ZNF512B: variants seen among roughly 807,000 people sequenced by gnomAD.
ZNF512B encodes the protein zinc finger protein 512B.
ZNF512B carries 22 observed loss-of-function variants against 87.8 expected under a neutral mutation model. That is an observed-to-expected ratio of 0.25 (90% confidence interval 0.18 to 0.36). The LOEUF (loss-of-function observed/expected upper bound fraction) is 0.36, where lower values mean the gene tolerates loss of function less well. Among genes scored for constraint, ZNF512B ranks in the 10% least tolerant of loss-of-function variants. The pLI, the probability that ZNF512B is intolerant of heterozygous loss-of-function variation, is 1.00. For missense variants in ZNF512B, 1,060 were observed against 1,231.6 expected (o/e 0.86, Z 2.09); for synonymous variants, 524 against 490.9 (o/e 1.07, Z -0.89).
chr20:63,962,118 G>T, intron 14 of ZNF512B, 114 bp from the exon 15 acceptor site: 1 of 1,343,226 alleles, frequency 7.4e-7, no homozygotes, highest in Non-Finnish European at 1.0e-6. Flanking sequence ...GAGGGGGTGT[G>T]AGTCCTGGGG....
In ZNF512B at chr20:63,957,559, C is replaced by T. The variant is rs1417626421; in HGVS notation, c.*2329G>A. 3.9e-5 allele frequency: 6 copies of T among 152,690 alleles called. No individual in the cohort carries two copies. The highest frequency in any genetic ancestry group is 1.4e-4 in the African/African-American group (6 of 41,448). The allele number at this position is 152,690 out of a possible 1,614,324, so 9.5% of individuals were successfully genotyped here. A position where few individuals can be genotyped will look rare whatever the true frequency, so the allele number is the denominator to read the frequency against. ...CCACTTCTGGCAGTAGCCCCCACGC[C>T]TACCTTAAAGACAAAGGGGGTTAAA... On this transcript the variant is annotated 3_prime_UTR_variant, in exon 17 of 17. Coordinates refer to ENST00000369888, the MANE Select transcript of ZNF512B (RefSeq NM_020713.3).
rs762116263 is a variant in ZNF512B, at chr20:63,963,855, G to C, written c.1539C>G (p.Pro513=). The C allele has an allele frequency of 6.2e-7, 1 of 1,612,692 alleles. No homozygotes were observed. Among genetic ancestry groups the C allele is most frequent in the Non-Finnish European group, 8.5e-7 (1 of 1,180,016 alleles). ...AIHERGEAVC[P]TCNVVTRKTL... is the part of the protein sequence containing the mutation. ...TCTTCCGGGTGACCACGTTGCAGGT[G>C]GGGCAGACGGCTTCCCCGCGCTCAT... is the stretch of plus-strand genomic sequence containing the variant. The change falls in exon 9 of 17, where the codon CCC becomes CCG. Residue 513 remains proline (P), a synonymous_variant. Transcript: ENST00000369888.
intron 11 of ZNF512B, 36 bp downstream of exon 11, chr20:63,963,306 C>CCCCCCCACCCCACACTGCCGCGG: frequency 6.5e-7 from 1 of 1,535,474 alleles, no homozygotes. Flanking sequence ...GCCAGCAGGG[C>CCCCCCCACCCCACACTGCCGCGG]CCCCCCACCC....
rs762842894 is a variant in ZNF512B at position 63,959,879 on chromosome 20, G to A, written c.*9C>T. 13 of 1,562,358 alleles carry A rather than the reference G, an allele frequency of 8.3e-6. No homozygotes were observed. The Admixed American group carries it at 1.3e-4, about 15-fold the overall frequency. On this transcript the variant is annotated 3_prime_UTR_variant, in exon 17 of 17. Transcript: ENST00000369888. ...CGGCTGCATGGGGGCCAGGCCCCAC[G>A]CACCATGCTCACTTTTCAGGCGCCT...
chr20:63,958,049 C>G lies in ZNF512B; in HGVS notation c.*1839G>C, dbSNP rs1277251717. On this transcript the variant is annotated 3_prime_UTR_variant, in exon 17 of 17. Transcript: ENST00000369888. ...GGGGGAGTCCGGGTCTCCACACCCA[C>G]TCCCTGGCACATCTGGCAAGGGCTG... The G allele has an allele frequency of 6.6e-6, 1 of 152,264 alleles. No homozygotes were observed. The highest frequency in any genetic ancestry group is 1.5e-5 in the Non-Finnish European group (1 of 68,078). 9.4% of individuals were successfully genotyped at this position (152,264 alleles called of 1,614,324 possible). A position where few individuals can be genotyped will look rare whatever the true frequency, so the allele number is the denominator to read the frequency against.
Position 63,964,739 on chromosome 20 carries a change from G to A in ZNF512B, c.1035-23C>T, listed in dbSNP as rs117783598. Reference sequence around the variant, plus strand: ...GCCCTGCAGGGAGCAGGTGAGGTGAGGGCCAGGAGGGCCTAACTGTGGGCC... The same window carrying A: ...GCCCTGCAGGGAGCAGGTGAGGTGAAGGCCAGGAGGGCCTAACTGTGGGCC... On this transcript the variant is annotated intron_variant, in intron 5 of 16. Coordinates refer to ENST00000369888, the MANE Select transcript of ZNF512B (RefSeq NM_020713.3). 1.0e-5 allele frequency: 16 copies of A among 1,604,726 alleles called. No individual in the cohort carries two copies. In the East Asian group the frequency reaches 3.4e-4, roughly 34 times the overall value.
At chr20:63,968,630 C>G (rs1489098944) in intron 1 of ZNF512B, among the ~76,000 whole-genome samples, 2 of 152,210 alleles carry the variant, frequency 1.3e-5, no homozygotes, top group African/African-American at 4.8e-5. Context: ...GTCCCTGTGC[C>G]GGCTGAACTA....
At chr20:63,968,107 T>G (rs1336448302) in intron 1 of ZNF512B, among the ~76,000 whole-genome samples, 155 bp from the exon 2 acceptor site, 3 of 152,132 alleles carry the variant, frequency 2.0e-5, no homozygotes, top group Non-Finnish European at 4.4e-5. Flanking sequence ...AAGCAAGTGA[T>G]GGGGGCTTCT....
rs1367385478 is a variant in ZNF512B at position 63,959,979 on chromosome 20, C to T, written c.2588G>A (p.Arg863His). Residue 863 changes from arginine to histidine, a missense_variant, in exon 17 of 17, where the codon CGC (arginine) becomes CAC (histidine). This residue lies in a region of ZNF512B where 253 missense variants were observed against 259.2 expected (regional missense o/e 0.98). Transcript: ENST00000369888. Reference protein sequence around the residue: ...PEEPVAKLPPRRDDWPPGCRD... With the variant: ...PEEPVAKLPPHRDDWPPGCRD... The stretch of plus-strand genomic sequence containing the variant: ...GCATCCTGGAGGCCAGTCGTCCCGG[C>T]GCGGGGGCAGCTTGGCCACAGGCTC... The T allele has an allele frequency of 3.1e-6, 5 of 1,612,508 alleles. No individual in the cohort carries two copies. The highest frequency in any genetic ancestry group is 2.2e-5 in the South Asian group (2 of 91,088).
Position 63,964,521 on chromosome 20 carries a change from C to G in ZNF512B, c.1230G>C (p.Pro410=). 1 of 1,612,694 alleles carries G rather than the reference C, an allele frequency of 6.2e-7. No individual in the cohort carries two copies. Among genetic ancestry groups the G allele is most frequent in the Non-Finnish European group, 8.5e-7 (1 of 1,179,886 alleles). The change falls in exon 6 of 17, where the codon CCG becomes CCC. Residue 410 remains proline, a synonymous_variant. Coordinates refer to ENST00000369888, the MANE Select transcript of ZNF512B (RefSeq NM_020713.3). ...EALKAAGPAS[P]PEEDPERTKH... ...TTGTGCGCTCCGGGTCCTCCTCAGG[C>G]GGGGACGCAGGGCCTGCAGCCTTCA...
chr20:63,960,676 GCA>G (rs2058841137), intron 16 of ZNF512B, among the ~76,000 whole-genome samples: 1 of 145,938 alleles, frequency 6.9e-6, no homozygotes, highest in Non-Finnish European at 1.5e-5. Flanking sequence ...GGCACCTGCA[GCA>G]GGGGGCTGGA....
At chr20:63,965,550 C>T (rs1305641549) in intron 5 of ZNF512B, among the ~76,000 whole-genome samples, 2 of 14,030 alleles carry the variant, frequency 1.4e-4, no homozygotes, top group African/African-American at 1.4e-3. Flanking sequence ...TGGGACGAGC[C>T]CCCATACCTT....
At chr20:63,962,974 G>C (rs1405310378) in intron 12 of ZNF512B, 121 bp downstream of exon 12, 1 of 1,344,282 alleles carries the variant, frequency 7.4e-7, no homozygotes, top group Admixed American at 2.6e-5. Flanking sequence ...CTCTTACAGA[G>C]AGGGGTGGGA....
In ZNF512B at chr20:63,962,008, C is replaced by A. The variant is rs368044428; in HGVS notation, c.2266-4G>T. ...TGGAGTAGATGGCTTCACAGCACTG[C>A]AGGGAAGGGAGCCGTGGGCGAAGGC... is the stretch of plus-strand genomic sequence containing the variant. On this transcript the variant is annotated splice_polypyrimidine_tract_variant and splice_region_variant and intron_variant, in intron 14 of 16. Coordinates refer to ENST00000369888, the MANE Select transcript of ZNF512B (RefSeq NM_020713.3). 6.4e-7 allele frequency: 1 copy of A among 1,550,828 alleles called. No homozygotes were observed. The highest frequency in any genetic ancestry group is 8.7e-7 in the Non-Finnish European group (1 of 1,146,930).
rs1210971736 is a variant in ZNF512B at position 63,964,498 on chromosome 20, G to C, written c.1253C>G (p.Thr418Arg). 1 of 1,612,918 alleles carries C rather than the reference G, an allele frequency of 6.2e-7. No individual in the cohort carries two copies. ...ASPPEEDPER[T>R]KHRRKQKTPK... ...TGGAGCTCTCATCTTACTGTGCTTT[G>C]TGCGCTCCGGGTCCTCCTCAGGCGG... The change falls in exon 6 of 17, where the codon ACA becomes AGA. Residue 418 changes from threonine to arginine, a missense_variant. Physicochemically the swap from Thr to Arg is moderately conservative, Grantham distance 71. Around this residue, in one of 9 missense-constraint regions of ZNF512B, gnomAD observed 212 missense variants for 207.6 expected, o/e 1.02. Transcript: ENST00000369888.
In ZNF512B at chr20:63,959,737, G is replaced by C; in HGVS notation, c.*151C>G. On this transcript the variant is annotated 3_prime_UTR_variant, in exon 17 of 17. Transcript: ENST00000369888. Reference sequence around the variant, plus strand: ...CTTAACAGGGGAAGGGCCACCTTCAGGGAAGGGAGAGTGGCTGGCTGCCCC... The same window carrying C: ...CTTAACAGGGGAAGGGCCACCTTCACGGAAGGGAGAGTGGCTGGCTGCCCC... The C allele has an allele frequency of 8.1e-7, 1 of 1,241,132 alleles. No homozygotes were observed. Among genetic ancestry groups the C allele is most frequent in the South Asian group, 1.6e-5 (1 of 62,096 alleles). The allele number at this position is 1,241,132 out of a possible 1,614,324, so 76.9% of individuals were successfully genotyped here. A position where few individuals can be genotyped will look rare whatever the true frequency, so the allele number is the denominator to read the frequency against.
intron 16 of ZNF512B, among the ~76,000 whole-genome samples, chr20:63,960,666 G>A (rs2427575): frequency 8.6e-5 from 11 of 127,548 alleles, no homozygotes; most frequent in Middle Eastern, 5.3e-3. Context: ...GGACCAGGCA[G>A]GCACCTGCAG....
At position 63,960,111 on chromosome 20, in the gene ZNF512B, G is replaced by A. The variant is rs774942072; in HGVS notation, c.2456C>T (p.Pro819Leu). 3.8e-5 allele frequency: 61 copies of A among 1,613,800 alleles called. No individual in the cohort carries two copies. Among genetic ancestry groups the A allele is most frequent in the Non-Finnish European group, 5.1e-5 (60 of 1,179,998 alleles). The change falls in exon 17 of 17, where the codon CCT (proline) becomes CTT (leucine). Residue 819 changes from proline to leucine, a missense_variant. Physicochemically the swap from Pro to Leu is moderately conservative, Grantham distance 98 (BLOSUM62 -3). Around this residue, in one of 9 missense-constraint regions of ZNF512B, gnomAD observed 253 missense variants for 259.2 expected, o/e 0.98. Coordinates refer to ENST00000369888, the MANE Select transcript of ZNF512B (RefSeq NM_020713.3). ...ENWFRTSADPPPKHRSQDSLV... is the reference protein window; with the variant it reads ...ENWFRTSADPLPKHRSQDSLV... The stretch of plus-strand genomic sequence containing the variant: ...TGAGTCCTGGCTCCTGTGTTTGGGA[G>A]GTGGGTCTGCTGATGTTCGGAACCA...
chr20:63,960,748 G>A (rs867832569), intron 16 of ZNF512B, among the ~76,000 whole-genome samples: 4 of 134,924 alleles, frequency 3.0e-5, no homozygotes, highest in Middle Eastern at 4.5e-3. Flanking sequence ...TCGGGACCAG[G>A]CAAGCACCTG....
Sources: allele counts gnomAD v4.1 joint callset (sites outside exome capture counted in the v4.1 genomes callset), GRCh38; gene constraint gnomAD v4.1.1; regional missense constraint gnomAD v4.1.1; transcripts MANE v1.5; gene names NCBI Gene and HGNC (gene_info 2026-07-23, HGNC 2026-07-21).